FAM135A: variants seen among roughly 807,000 people sequenced by gnomAD.
FAM135A encodes the protein protein FAM135A.
FAM135A carries 79 observed loss-of-function variants against 146.8 expected under a neutral mutation model. The ratio of observed to expected loss-of-function variants is 0.54; its 90% CI spans 0.45 to 0.65. The LOEUF is 0.65. FAM135A is among the 30% of genes least tolerant of loss of function. The pLI is 0.00. For missense variants in FAM135A, 1,623 were observed against 1,758.2 expected (o/e 0.92, Z 1.38); for synonymous variants, 562 against 603.6 (o/e 0.93, Z 1.01).
At chr6:70,510,525 A>G (rs569172923) in intron 12 of FAM135A, among the ~76,000 whole-genome samples, 5 of 152,210 alleles carry the variant, frequency 3.3e-5, no homozygotes, top group Non-Finnish European at 7.4e-5. Flanking sequence ...AAATGTAATC[A>G]TACAACATTT....
intron 4 of FAM135A, among the ~76,000 whole-genome samples, chr6:70,440,757 G>T (rs1774276604): frequency 6.6e-6 from 1 of 151,968 alleles, no homozygotes; most frequent in African/African-American, 2.4e-5. Flanking sequence ...TGAGAGTCTG[G>T]TCTCAAACTT....
chr6:70,441,756 C>T (rs1449031147), intron 4 of FAM135A, among the ~76,000 whole-genome samples: 1 of 151,120 alleles, frequency 6.6e-6, no homozygotes, highest in Non-Finnish European at 1.5e-5. Flanking sequence ...GCCGTCTCAG[C>T]TCACTGCAAC....
At chr6:70,442,665 A>G (rs1177397345) in intron 4 of FAM135A, among the ~76,000 whole-genome samples, 3 of 152,152 alleles carry the variant, frequency 2.0e-5, no homozygotes, top group African/African-American at 4.8e-5. Flanking sequence ...GTTTAAAAGT[A>G]TATCTTAGAG....
chr6:70,514,185 A>C (rs1229463583), intron 12 of FAM135A, among the ~76,000 whole-genome samples: 1 of 151,926 alleles, frequency 6.6e-6, no homozygotes, highest in Non-Finnish European at 1.5e-5. Context: ...TCAGCAATTT[A>C]TCCTCTATGT....
intron 12 of FAM135A, among the ~76,000 whole-genome samples, chr6:70,521,695 C>T (rs1793612344): frequency 1.3e-5 from 2 of 152,124 alleles, no homozygotes; most frequent in African/African-American, 4.8e-5. Context: ...CTGTACTGTC[C>T]AAATAAGACA....
At chr6:70,472,205 G>C (rs867991254) in intron 5 of FAM135A, among the ~76,000 whole-genome samples, 2 of 152,232 alleles carry the variant, frequency 1.3e-5, no homozygotes, top group Middle Eastern at 6.8e-3. Flanking sequence ...GAGCAATAGA[G>C]AAACCTTTGT....
intron 10 of FAM135A, among the ~76,000 whole-genome samples, chr6:70,487,078 C>T (rs1784816788): frequency 2.6e-5 from 2 of 78,230 alleles, no homozygotes; most frequent in South Asian, 4.7e-4. Context: ...GTCGGACTCC[C>T]ATCTCAAAAA....
At chr6:70,449,517 G>C (rs943830660) in intron 4 of FAM135A, among the ~76,000 whole-genome samples, 1 of 152,026 alleles carries the variant, frequency 6.6e-6, no homozygotes, top group African/African-American at 2.4e-5. Context: ...GTCTTTCTGT[G>C]CCTGGCTTAT....
chr6:70,463,219 A>C (rs1160494836), intron 5 of FAM135A, among the ~76,000 whole-genome samples: 2 of 151,932 alleles, frequency 1.3e-5, no homozygotes, highest in Non-Finnish European at 2.9e-5. Context: ...TCCCCTAAGC[A>C]GTTAGATGTT....
chr6:70,439,853 G>A (rs1774059710), intron 4 of FAM135A, among the ~76,000 whole-genome samples: 3 of 151,990 alleles, frequency 2.0e-5, no homozygotes, highest in East Asian at 1.9e-4. Flanking sequence ...ACCTAGCCTC[G>A]GTTATCAAAG....
rs1423102262 is a variant in FAM135A, at chr6:70,526,403, G to A, written c.3319G>A (p.Ala1107Thr). The A allele has an allele frequency of 6.2e-7, 1 of 1,613,546 alleles. No homozygotes were observed. Among genetic ancestry groups the A allele is most frequent in the Admixed American group, 1.7e-5 (1 of 59,962 alleles). Residue 1107 changes from alanine (A) to threonine (T), a missense_variant, in exon 15 of 22, where the codon GCT becomes ACT. Physicochemically the swap from Ala to Thr is moderately conservative, Grantham distance 58 (BLOSUM62 0). Transcript: ENST00000418814. ...NGYYEETDYS[A>T]LDGTINAHYT... ...GTACTATGAAGAAACAGATTATTCA[G>A]CTTTGGATGGAACAATAAATGCTCA...
rs9342790 is a variant in FAM135A at position 70,532,286 on chromosome 6, G to A, written c.3776-874G>A. Among the ~76,000 whole-genome samples, 26 of 152,128 alleles carry A rather than the reference G, an allele frequency of 1.7e-4. No individual in the cohort carries two copies. The East Asian group carries it at 3.7e-3, about 21-fold the overall frequency. ...TGTAAAAAATTTTTGAAACCCATAC[G>A]TAGTTTTTTTTATGATGCATTTTCT... On this transcript the variant is annotated intron_variant, in intron 16 of 21. Coordinates refer to ENST00000418814, the MANE Select transcript of FAM135A (RefSeq NM_001162529.3).
intron 5 of FAM135A, among the ~76,000 whole-genome samples, chr6:70,459,728 T>C (rs1779046612): frequency 6.6e-6 from 1 of 152,158 alleles, no homozygotes; most frequent in South Asian, 2.1e-4. Context: ...ATACAGCATA[T>C]GGTTAAAAGA....
intron 5 of FAM135A, among the ~76,000 whole-genome samples, chr6:70,456,333 T>G (rs1219971425): frequency 6.6e-6 from 1 of 152,260 alleles, no homozygotes; most frequent in Non-Finnish European, 1.5e-5. Flanking sequence ...ACAATAGATT[T>G]AGAAGTTCTT....
chr6:70,486,487 T>C (rs1304105061), intron 10 of FAM135A, among the ~76,000 whole-genome samples: 2 of 152,196 alleles, frequency 1.3e-5, no homozygotes, highest in Non-Finnish European at 2.9e-5. Flanking sequence ...ACTCACTGGC[T>C]TTTTTCATAT....
At position 70,432,437 on chromosome 6, in the gene FAM135A, C is replaced by T. The variant is rs534876340; in HGVS notation, c.77+4018C>T. ...GCAAAATTAAATTTGTTAAGTAAAGCGCTTTTCCTGTTCATCTGTGAGAAT... is the reference window on the plus strand; with the variant it reads ...GCAAAATTAAATTTGTTAAGTAAAGTGCTTTTCCTGTTCATCTGTGAGAAT... On this transcript the variant is annotated intron_variant, in intron 4 of 21. Coordinates refer to ENST00000418814, the MANE Select transcript of FAM135A (RefSeq NM_001162529.3). Among the ~76,000 whole-genome samples, 12 of 152,174 alleles carry T rather than the reference C, an allele frequency of 7.9e-5. No individual in the cohort carries two copies. In the East Asian group the frequency reaches 2.1e-3, roughly 27 times the overall value.
chr6:70,439,162 T>TA (rs988729617), intron 4 of FAM135A, among the ~76,000 whole-genome samples: 1 of 151,374 alleles, frequency 6.6e-6, no homozygotes, highest in Non-Finnish European at 1.5e-5. Flanking sequence ...GAGCAAGATC[T>TA]AAAAAAAAAT....
chr6:70,481,075 T>G (rs902167953), intron 9 of FAM135A, 48 bp downstream of exon 9: 1 of 1,469,386 alleles, frequency 6.8e-7, no homozygotes, highest in African/African-American at 1.4e-5. Context: ...TTAAAAGAAG[T>G]GTTTTTAACA....
chr6:70,454,631 G>A (rs1246021993), intron 5 of FAM135A, among the ~76,000 whole-genome samples: 1 of 152,228 alleles, frequency 6.6e-6, no homozygotes, highest in East Asian at 1.9e-4. Context: ...CATATGGCTA[G>A]CCAGTTTTCC....
Sources: gnomAD v4.1 joint callset for allele counts (sites outside exome capture counted in the v4.1 genomes callset) on GRCh38, gnomAD v4.1.1 for gene constraint, MANE v1.5 for transcripts, NCBI Gene and HGNC (gene_info 2026-07-23, HGNC 2026-07-21) for gene names.